KANK1: variants seen among roughly 807,000 people sequenced by gnomAD.
KANK1 encodes KN motif and ankyrin repeat domains 1.
In KANK1, 109 loss-of-function variants were observed where a neutral mutation model predicts 106.2. The observed-to-expected ratio is 1.03, with a 90% CI of 0.88 to 1.20. The LOEUF (loss-of-function observed/expected upper bound fraction) is 1.20. Ranked by LOEUF, KANK1 falls within the 50% of genes most tolerant of loss-of-function variation. The pLI, the probability that KANK1 is intolerant of heterozygous loss-of-function variation, is 0.00. For missense variants in KANK1, 2,399 were observed against 1,710.7 expected, an observed-to-expected ratio of 1.40 and a Z score of -7.10; for synonymous variants, 873 against 652.2, an observed-to-expected ratio of 1.34 and a Z score of -5.16.
upstream of KANK1, among the ~76,000 whole-genome samples, chr9:500,390 TC>T (rs1259806394): frequency 2.6e-5 from 4 of 152,186 alleles, no homozygotes; most frequent in African/African-American, 9.7e-5. Flanking sequence ...AACTGGTAAC[TC>T]CATAAGGCTC....
At chr9:717,248 C>T (rs1295547902) in intron 3 of KANK1, among the ~76,000 whole-genome samples, 1 of 151,906 alleles carries the variant, frequency 6.6e-6, no homozygotes, top group Non-Finnish European at 1.5e-5. Context: ...TTGTCACCCA[C>T]TCTAGCCTGG....
chr9:544,291 A>G (rs2060795214), intron 1 of KANK1, among the ~76,000 whole-genome samples: 1 of 152,094 alleles, frequency 6.6e-6, no homozygotes, highest in South Asian at 2.1e-4. Context: ...CCGAAGTGCT[A>G]GGAGTACAGG....
chr9:681,862 C>A (rs7867194), intron 2 of KANK1, among the ~76,000 whole-genome samples: 92,138 of 152,096 alleles, frequency 0.61, 30,949 homozygotes, highest in East Asian at 0.9. Flanking sequence ...ATTTTTGCTA[C>A]TAGTTGCCTT....
chr9:587,180 G>C (rs1038466942), intron 1 of KANK1, among the ~76,000 whole-genome samples: 1 of 152,114 alleles, frequency 6.6e-6, no homozygotes, highest in Non-Finnish European at 1.5e-5. Flanking sequence ...TCATGAAGTT[G>C]TCATGTTTGT....
At chr9:525,862 A>G (rs2059768056) in intron 1 of KANK1, among the ~76,000 whole-genome samples, 1 of 151,606 alleles carries the variant, frequency 6.6e-6, no homozygotes, top group Non-Finnish European at 1.5e-5. Context: ...GACCTCTTGG[A>G]AAACTTCACA....
At chr9:669,420 C>G (rs1013447144) in intron 1 of KANK1, among the ~76,000 whole-genome samples, 3 of 152,022 alleles carry the variant, frequency 2.0e-5, no homozygotes, top group African/African-American at 7.2e-5. Context: ...ATTCTCTTAG[C>G]TTTTGTTTGT....
intron 1 of KANK1, among the ~76,000 whole-genome samples, chr9:569,823 T>G (rs1225607492): frequency 1.3e-5 from 2 of 152,036 alleles, no homozygotes; most frequent in Non-Finnish European, 2.9e-5. Flanking sequence ...TCAAACAGAT[T>G]GGGTGTTTTT....
intron 3 of KANK1, among the ~76,000 whole-genome samples, chr9:728,364 A>G (rs927053755): frequency 7.9e-5 from 12 of 151,938 alleles, no homozygotes; most frequent in Non-Finnish European, 1.8e-4. Flanking sequence ...TGCGTGGCTA[A>G]TTTTTGTATT....
chr9:603,958 C>CAA (rs71314719), intron 1 of KANK1, among the ~76,000 whole-genome samples: 34,556 of 93,818 alleles, frequency 0.37, 6,612 homozygotes, highest in Middle Eastern at 0.54. Flanking sequence ...GACTCTGTCT[C>CAA]AAAAAAAAAA....
intron 6 of KANK1, chr9:734,120 A>AAC (rs1833065840): frequency 6.6e-6 from 1 of 150,830 alleles, no homozygotes; most frequent in Non-Finnish European, 1.5e-5. Context: ...AAAAAAAAAA[A>AAC]AAAAAAAAAA....
At chr9:508,070 C>T (rs1460725449) in intron 1 of KANK1, among the ~76,000 whole-genome samples, 1 of 149,820 alleles carries the variant, frequency 6.7e-6, no homozygotes, top group Non-Finnish European at 1.5e-5. Context: ...TATCCATCCG[C>T]CTCTGCCTCC....
upstream of KANK1, among the ~76,000 whole-genome samples, chr9:499,698 C>T (rs1304263503): frequency 2.6e-5 from 4 of 152,184 alleles, no homozygotes; most frequent in African/African-American, 7.2e-5. Context: ...AACTTTTTTA[C>T]CTGTACCCTT....
intron 1 of KANK1, among the ~76,000 whole-genome samples, chr9:643,536 CTTTTTGA>C (rs1838952225): frequency 8.8e-6 from 1 of 113,082 alleles, no homozygotes. Context: ...TGCTTTTTTT[CTTTTTGA>C]TTTTTTTTTT....
chr9:543,703 G>A (rs7048280), intron 1 of KANK1, among the ~76,000 whole-genome samples: 1 of 152,248 alleles, frequency 6.6e-6, no homozygotes, highest in South Asian at 2.1e-4. Flanking sequence ...TATGCTGTCA[G>A]TGCAGATGGA....
intron 1 of KANK1, among the ~76,000 whole-genome samples, chr9:635,283 C>T (rs1253747347): frequency 2.0e-5 from 3 of 152,146 alleles, no homozygotes; most frequent in Non-Finnish European, 4.4e-5. Context: ...CAGGCCTATA[C>T]CCGAGTTCGC....
intron 1 of KANK1, among the ~76,000 whole-genome samples, chr9:671,914 C>G (rs1815242635): frequency 6.6e-6 from 1 of 152,076 alleles, no homozygotes; most frequent in African/African-American, 2.4e-5. Flanking sequence ...CGCCACTGCA[C>G]TCCAGCCTGG....
chr9:577,114 G>C (rs1189556308), intron 1 of KANK1, among the ~76,000 whole-genome samples: 2 of 152,196 alleles, frequency 1.3e-5, no homozygotes, highest in African/African-American at 4.8e-5. Flanking sequence ...AGACTGAGCA[G>C]CAGCAAGATT....
At chr9:635,691 A>ATTTT (rs1163885705) in intron 1 of KANK1, among the ~76,000 whole-genome samples, 2 of 116,082 alleles carry the variant, frequency 1.7e-5, no homozygotes, top group South Asian at 2.9e-4. Context: ...ATTCCTTTTT[A>ATTTT]TTCTTTTTTT....
At chr9:474,308 T>C (rs778160840) in intron 3 of KANK1, among the ~76,000 whole-genome samples, 5 of 147,328 alleles carry the variant, frequency 3.4e-5, no homozygotes, top group Non-Finnish European at 7.7e-5. Context: ...TGGACTAGTA[T>C]TTATAAGTAC....
Sources: gnomAD v4.1 joint callset for allele counts (sites outside exome capture counted in the v4.1 genomes callset) on GRCh38, gnomAD v4.1.1 for gene constraint, MANE v1.5 for transcripts, NCBI Gene and HGNC (gene_info 2026-07-23, HGNC 2026-07-21) for gene names.